GHR: variants seen among roughly 807,000 people sequenced by gnomAD.
GHR encodes GH receptor.
In GHR, 35 loss-of-function variants were observed where a neutral mutation model predicts 67.1. That is an observed-to-expected ratio of 0.52 (90% CI 0.40 to 0.69). GHR has a LOEUF of 0.69. Among genes scored for constraint, GHR ranks in the 30% least tolerant of loss-of-function variants. GHR has a pLI of 0.00. For missense variants in GHR, 792 were observed against 764.6 expected, an observed-to-expected ratio of 1.04 and a Z score of -0.42; for synonymous variants, 272 against 269.1, an observed-to-expected ratio of 1.01 and a Z score of -0.10.
intron 1 of GHR, among the ~76,000 whole-genome samples, chr5:42,477,051 GTCC>G (rs1554054902): frequency 9.1e-6 from 1 of 109,490 alleles, no homozygotes; most frequent in Non-Finnish European, 1.7e-5. Flanking sequence ...CCCCACAACA[GTCC>G]CCAGTGTGTG....
chr5:42,561,233 T>G (rs1489556101), intron 1 of GHR, among the ~76,000 whole-genome samples: 1 of 152,220 alleles, frequency 6.6e-6, no homozygotes, highest in Non-Finnish European at 1.5e-5. Context: ...GTTTGATAGC[T>G]GATTTTTCCC....
chr5:42,661,405 C>T (rs1218485958), intron 3 of GHR, among the ~76,000 whole-genome samples: 1 of 152,216 alleles, frequency 6.6e-6, no homozygotes, highest in Non-Finnish European at 1.5e-5. Context: ...CAGCTAATCT[C>T]TTGGCAGAAA....
intron 1 of GHR, among the ~76,000 whole-genome samples, chr5:42,475,370 C>A (rs958909980): frequency 6.6e-6 from 1 of 151,956 alleles, no homozygotes; most frequent in African/African-American, 2.4e-5. Context: ...GCCTGAGGGT[C>A]CCTCACTTGC....
At chr5:42,556,373 T>G (rs1470428332) in intron 1 of GHR, among the ~76,000 whole-genome samples, 1 of 152,168 alleles carries the variant, frequency 6.6e-6, no homozygotes, top group Non-Finnish European at 1.5e-5. Context: ...ACCTTATTTA[T>G]CTCCTTTTAG....
chr5:42,635,007 C>CAAA (rs200793751), intron 3 of GHR, among the ~76,000 whole-genome samples: 3 of 133,478 alleles, frequency 2.2e-5, no homozygotes, highest in African/African-American at 8.3e-5. Context: ...TTACCAAAAA[C>CAAA]AAAAAAAAAA....
intron 9 of GHR, 90 bp downstream of exon 9, chr5:42,718,211 A>T (rs879113424): frequency 3.8e-6 from 3 of 780,462 alleles, no homozygotes; most frequent in African/African-American, 1.7e-5. Flanking sequence ...TAAGCTATAT[A>T]TATCACATTC....
At chr5:42,644,533 C>T (rs1481344009) in intron 3 of GHR, among the ~76,000 whole-genome samples, 2 of 151,988 alleles carry the variant, frequency 1.3e-5, no homozygotes, top group South Asian at 4.1e-4. Context: ...CCTGATCAAA[C>T]AAATTAACTG....
chr5:42,582,150 G>C (rs1751209277), intron 2 of GHR, among the ~76,000 whole-genome samples: 1 of 152,244 alleles, frequency 6.6e-6, no homozygotes, highest in African/African-American at 2.4e-5. Context: ...GGCGCCCCTT[G>C]GCATGAACAG....
At chr5:42,647,202 C>A (rs1199131343) in intron 3 of GHR, among the ~76,000 whole-genome samples, 1 of 151,990 alleles carries the variant, frequency 6.6e-6, no homozygotes, top group Non-Finnish European at 1.5e-5. Context: ...AAGTTTAAGG[C>A]GGAATTGTGG....
At chr5:42,503,376 C>T (rs1293443518) in intron 1 of GHR, among the ~76,000 whole-genome samples, 1 of 152,112 alleles carries the variant, frequency 6.6e-6, no homozygotes, top group Admixed American at 6.5e-5. Flanking sequence ...CAAAACAAAA[C>T]TTGTTTGGGA....
At position 42,514,164 on chromosome 5, in the gene GHR, C is replaced by A. The variant is rs1009300049; in HGVS notation, c.-11-51700C>A. The A allele has an allele frequency of 6.1e-6, 6 of 984,798 alleles. No individual in the cohort carries two copies. In the African/African-American group the frequency reaches 1.0e-4, roughly 17 times the overall value. 61.0% of individuals were successfully genotyped at this position (984,798 alleles called of 1,614,324 possible). On this transcript the variant is annotated intron_variant, in intron 1 of 9. Coordinates refer to ENST00000230882, the MANE Select transcript of GHR (RefSeq NM_000163.5). ...CATTTGCTGAATTCACTGGGCGCAT[C>A]TTACAAGTAATTTTTGGATTCTGCA...
At chr5:42,703,496 C>G (rs1758030451) in intron 6 of GHR, among the ~76,000 whole-genome samples, 2 of 151,844 alleles carry the variant, frequency 1.3e-5, no homozygotes, top group Non-Finnish European at 2.9e-5. Context: ...TGATTTCATC[C>G]TTGTTCTTCT....
At chr5:42,428,526 C>T (rs996795434) in intron 1 of GHR, among the ~76,000 whole-genome samples, 1 of 152,206 alleles carries the variant, frequency 6.6e-6, no homozygotes, top group African/African-American at 2.4e-5. Flanking sequence ...TTGAATTTCT[C>T]CCCAGAAAAT....
At chr5:42,637,669 A>G (rs1321138361) in intron 3 of GHR, among the ~76,000 whole-genome samples, 2 of 152,146 alleles carry the variant, frequency 1.3e-5, no homozygotes, top group South Asian at 2.1e-4. Context: ...TTTTCATGGT[A>G]TACGTGTACC....
In GHR at chr5:42,424,709, G is replaced by C; in HGVS notation, c.-12+754G>C. ...GAACTGCCAGAGGCTGCGGGTCAAT[G>C]GGGTGGCCGCGTGTCTAGGGAGAGG... is the stretch of plus-strand genomic sequence containing the variant. On this transcript the variant is annotated intron_variant, in intron 1 of 9. Transcript: ENST00000230882. The surrounding 1 kb of genome is among the most constrained non-coding windows in gnomAD (Gnocchi z 4.1). The C allele has an allele frequency of 9.0e-7, 1 of 1,105,312 alleles. No individual in the cohort carries two copies. The highest frequency in any genetic ancestry group is 1.3e-6 in the Non-Finnish European group (1 of 753,354). 68.5% of individuals were successfully genotyped at this position (1,105,312 alleles called of 1,614,324 possible).
intron 3 of GHR, among the ~76,000 whole-genome samples, chr5:42,633,660 T>C (rs1754032397): frequency 6.6e-6 from 1 of 152,180 alleles, no homozygotes; most frequent in African/African-American, 2.4e-5. Flanking sequence ...ATCTGCCCAA[T>C]CATCTATAGT....
At chr5:42,486,304 C>T (rs1213817207) in intron 1 of GHR, among the ~76,000 whole-genome samples, 1 of 152,210 alleles carries the variant, frequency 6.6e-6, no homozygotes, top group Non-Finnish European at 1.5e-5. Context: ...CATCTCATTT[C>T]ATCTATTTCA....
intron 1 of GHR, among the ~76,000 whole-genome samples, chr5:42,483,057 G>A (rs1745723972): frequency 6.6e-6 from 1 of 152,104 alleles, no homozygotes; most frequent in African/African-American, 2.4e-5. Flanking sequence ...ATTCTTGCTG[G>A]CATTCACACT....
intron 2 of GHR, among the ~76,000 whole-genome samples, chr5:42,618,690 A>G (rs1309354673): frequency 6.6e-6 from 1 of 152,168 alleles, no homozygotes; most frequent in African/African-American, 2.4e-5. Flanking sequence ...TTAACTTACT[A>G]TGTGCCAGGC....
Sources: allele counts gnomAD v4.1 joint callset (sites outside exome capture counted in the v4.1 genomes callset), GRCh38; gene constraint gnomAD v4.1.1; non-coding constraint Gnocchi (gnomAD v3.1); transcripts MANE v1.5; gene names NCBI Gene and HGNC (gene_info 2026-07-23, HGNC 2026-07-21).